Variants in DCP1A observed in about 807,000 individuals in gnomAD.
The protein encoded by DCP1A is mRNA-decapping enzyme 1A.
In DCP1A, 20 loss-of-function variants were observed where a neutral mutation model predicts 58.0. That is an observed-to-expected ratio of 0.34 (90% CI 0.24 to 0.50). The LOEUF (loss-of-function observed/expected upper bound fraction) is 0.50. Ranked by LOEUF, DCP1A falls within the 20% of genes least tolerant of loss-of-function variation. The pLI is 0.98. For missense variants in DCP1A, 613 were observed against 712.2 expected (o/e 0.86, Z 1.59); for synonymous variants, 285 against 275.1 (o/e 1.04, Z -0.36).
chr3:53,308,393 C>T (rs557882902), intron 5 of DCP1A, among the ~76,000 whole-genome samples: 11 of 152,046 alleles, frequency 7.2e-5, no homozygotes, highest in African/African-American at 2.7e-4. Flanking sequence ...CTGTTGGGCT[C>T]GTGATCTTCC....
chr3:53,299,917 G>C (rs1310908856), intron 6 of DCP1A, among the ~76,000 whole-genome samples: 3 of 152,186 alleles, frequency 2.0e-5, no homozygotes, highest in African/African-American at 4.8e-5. Flanking sequence ...GCCCAGGCTG[G>C]AGTGTGGTGG....
At position 53,315,944 on chromosome 3, in the gene DCP1A, C is replaced by A. The variant is rs560963858; in HGVS notation, c.371+3463G>T. 4.0e-5 allele frequency among the ~76,000 whole-genome samples: 6 copies of A among 151,888 alleles called. No homozygotes were observed. In the South Asian group the frequency reaches 1.0e-3, roughly 26 times the overall value. ...AATTTTTTTGTATTTTTACTAGAGA[C>A]GAGGTTTCACCATATTGGCCAGGAT... On this transcript the variant is annotated intron_variant, in intron 4 of 9. Transcript: ENST00000610213.
intron 2 of DCP1A, among the ~76,000 whole-genome samples, chr3:53,344,042 G>A (rs987301285): frequency 6.6e-6 from 1 of 152,038 alleles, no homozygotes; most frequent in African/African-American, 2.4e-5. Context: ...ATTTAGACGA[G>A]ATCTCAAAGC....
At chr3:53,312,430 C>T (rs1707675402) in intron 4 of DCP1A, 51 bp from the exon 5 acceptor site, 3 of 1,472,436 alleles carry the variant, frequency 2.0e-6, no homozygotes, top group Non-Finnish European at 2.7e-6. Context: ...CAAAATCTGA[C>T]CCAAGATTTC....
chr3:53,336,969 C>T (rs781939961), intron 3 of DCP1A, among the ~76,000 whole-genome samples: 1 of 152,040 alleles, frequency 6.6e-6, no homozygotes, highest in Non-Finnish European at 1.5e-5. Context: ...TGCCTGGGTT[C>T]AAGCGATTCT....
At chr3:53,311,611 T>C (rs183580730) in intron 5 of DCP1A, among the ~76,000 whole-genome samples, 6 of 152,320 alleles carry the variant, frequency 3.9e-5, no homozygotes, top group African/African-American at 1.4e-4. Context: ...AAATTCCAAA[T>C]GAAGCTTAAT....
chr3:53,336,397 G>A (rs1287813662), intron 3 of DCP1A, among the ~76,000 whole-genome samples: 5 of 152,098 alleles, frequency 3.3e-5, no homozygotes, highest in East Asian at 3.8e-4. Context: ...GTGAGCCACC[G>A]CACAGGGCCT....
At chr3:53,339,272 T>G (rs2089165682) in intron 3 of DCP1A, among the ~76,000 whole-genome samples, 1 of 152,234 alleles carries the variant, frequency 6.6e-6, no homozygotes, top group African/African-American at 2.4e-5. Context: ...CAGCTATTCC[T>G]TTAAATACTT....
At chr3:53,314,521 G>T (rs1707739603) in intron 4 of DCP1A, among the ~76,000 whole-genome samples, 1 of 152,060 alleles carries the variant, frequency 6.6e-6, no homozygotes, top group African/African-American at 2.4e-5. Flanking sequence ...CTTCATAAAG[G>T]ATCTGTCACA....
At chr3:53,342,300 T>C (rs368812621) in intron 2 of DCP1A, 29 bp from the exon 3 acceptor site, 170 of 1,497,926 alleles carry the variant, frequency 1.1e-4, no homozygotes, top group African/African-American at 1.8e-4. Flanking sequence ...AAAAAAAATA[T>C]GTAGTTACCA....
In DCP1A at chr3:53,284,316, G is replaced by A. The variant is rs1706544261; in HGVS notation, c.*3264C>T. ...CAGTTAGGGCCTCTACTATGGAAAT[G>A]AGAAAATTTCAAACTACATTCTTTG... On this transcript the variant is annotated 3_prime_UTR_variant, in exon 10 of 10. Coordinates refer to ENST00000610213, the MANE Select transcript of DCP1A (RefSeq NM_018403.7). 6.6e-6 allele frequency: 1 copy of A among 152,164 alleles called. No individual in the cohort carries two copies. Among genetic ancestry groups the A allele is most frequent in the Non-Finnish European group, 1.5e-5 (1 of 68,034 alleles). The allele number at this position is 152,164 out of a possible 1,614,324, so 9.4% of individuals were successfully genotyped here. A position where few individuals can be genotyped will look rare whatever the true frequency, so the allele number is the denominator to read the frequency against.
chr3:53,312,431 C>T, intron 4 of DCP1A, 52 bp from the exon 5 acceptor site: 1 of 1,470,388 alleles, frequency 6.8e-7, no homozygotes, highest in Non-Finnish European at 9.1e-7. Context: ...AAAATCTGAC[C>T]CAAGATTTCT....
intron 6 of DCP1A, among the ~76,000 whole-genome samples, chr3:53,297,224 A>C (rs1707157137): frequency 6.6e-6 from 1 of 152,126 alleles, no homozygotes; most frequent in African/African-American, 2.4e-5. Flanking sequence ...TGTATACCTT[A>C]TATGGAGATT....
chr3:53,311,474 CG>C (rs1256061298), intron 5 of DCP1A, among the ~76,000 whole-genome samples: 3 of 152,192 alleles, frequency 2.0e-5, no homozygotes, highest in Middle Eastern at 3.4e-3. Flanking sequence ...AATAAATTAA[CG>C]AAAGTACCAC....
chr3:53,345,323 T>A (rs954261222), intron 1 of DCP1A, among the ~76,000 whole-genome samples: 2 of 152,304 alleles, frequency 1.3e-5, no homozygotes, highest in African/African-American at 4.8e-5. Flanking sequence ...TTTAAGTTTA[T>A]CCAAGTTAAT....
At chr3:53,304,682 C>G (rs940584809) in intron 5 of DCP1A, among the ~76,000 whole-genome samples, 1 of 152,140 alleles carries the variant, frequency 6.6e-6, no homozygotes. Flanking sequence ...AAGCGATTCT[C>G]CTGCCTCAGC....
chr3:53,317,774 C>G (rs2106847401), intron 4 of DCP1A, among the ~76,000 whole-genome samples: 1 of 152,082 alleles, frequency 6.6e-6, no homozygotes, highest in Non-Finnish European at 1.5e-5. Flanking sequence ...GCTCTTTTTT[C>G]AAGCCAACAT....
At chr3:53,319,362 AT>A in intron 4 of DCP1A, 44 bp downstream of exon 4, 1 of 1,216,978 alleles carries the variant, frequency 8.2e-7, no homozygotes, top group Non-Finnish European at 1.2e-6. Flanking sequence ...ATTATTTTTC[AT>A]TTCTCACATA....
chr3:53,315,737 G>GTTTTTTT (rs1559694347), intron 4 of DCP1A, among the ~76,000 whole-genome samples: 2 of 111,956 alleles, frequency 1.8e-5, no homozygotes, highest in African/African-American at 6.3e-5. Context: ...GAGTAAATCA[G>GTTTTTTT]TTTGTTGTTT....
Sources: gnomAD v4.1 joint callset for allele counts (sites outside exome capture counted in the v4.1 genomes callset) on GRCh38, gnomAD v4.1.1 for gene constraint, MANE v1.5 for transcripts, NCBI Gene and HGNC (gene_info 2026-07-23, HGNC 2026-07-21) for gene names.